The following CNGB3 variants were observed in gnomAD, a reference collection of about 807,000 sequenced individuals.
CNGB3 encodes cyclic nucleotide-gated channel beta-3.
A neutral mutation model predicts 92.8 loss-of-function variants in CNGB3; 86 were observed. The observed-to-expected ratio is 0.93, with a 90% CI of 0.78 to 1.11. The LOEUF is 1.11. Among genes scored for constraint, CNGB3 ranks in the 50% least tolerant of loss-of-function variants. CNGB3 has a pLI of 0.00. For missense variants in CNGB3, 1,026 were observed against 956.8 expected, an observed-to-expected ratio of 1.07 and a Z score of -0.95; for synonymous variants, 333 against 332.7, an observed-to-expected ratio of 1.00 and a Z score of -0.01.
chr8:86,575,052 A>C lies in CNGB3; in HGVS notation c.*752T>G, dbSNP rs547825341. The C allele has an allele frequency of 4.8e-4, 73 of 152,368 alleles. No individual in the cohort carries two copies. Among genetic ancestry groups the C allele is most frequent in the African/African-American group, 1.7e-3 (69 of 41,588 alleles). 9.4% of individuals were successfully genotyped at this position (152,368 alleles called of 1,614,324 possible). A position where few individuals can be genotyped will look rare whatever the true frequency, so the allele number is the denominator to read the frequency against. On this transcript the variant is annotated 3_prime_UTR_variant, in exon 18 of 18. Coordinates refer to ENST00000320005, the MANE Select transcript of CNGB3 (RefSeq NM_019098.5). ...TCCTCCAGTCCAAGTCCCTTGAGCCAGATGAGTTAGGTAGATTGGTGTCTT... is the reference window on the plus strand; with the variant it reads ...TCCTCCAGTCCAAGTCCCTTGAGCCCGATGAGTTAGGTAGATTGGTGTCTT...
At chr8:86,657,302 T>C (rs988154255) in intron 6 of CNGB3, 1 of 341,402 alleles carries the variant, frequency 2.9e-6, no homozygotes, top group Non-Finnish European at 5.8e-6. Context: ...ATGGGGTGAC[T>C]GGGAAGGGGT....
Position 86,647,810 on chromosome 8 carries a change from C to G in CNGB3, c.981G>C (p.Arg327Ser), listed in dbSNP as rs771140264. Residue 327 changes from arginine to serine, a missense_variant, in exon 8 of 18, where the codon AGG (arginine) becomes AGC (serine). By Grantham distance (110) the Arg-to-Ser change is moderately radical. Transcript: ENST00000320005. Reference sequence around the variant, plus strand: ...AATATAGTTATCTTACCTTTAACATCCTATTTGCTCTAAACATTGGATTAA... The same window carrying G: ...AATATAGTTATCTTACCTTTAACATGCTATTTGCTCTAAACATTGGATTAA... ...FGFNPMFRAN[R>S]MLKYTSFFEF... 23 of 1,507,308 alleles carry G rather than the reference C, an allele frequency of 1.5e-5. No individual in the cohort carries two copies. Among genetic ancestry groups the G allele is most frequent in the Non-Finnish European group, 2.1e-5 (23 of 1,083,836 alleles). 93.4% of individuals were successfully genotyped at this position (1,507,308 alleles called of 1,614,324 possible).
chr8:86,643,330 A>G (rs1489834892), intron 10 of CNGB3, among the ~76,000 whole-genome samples: 2 of 151,430 alleles, frequency 1.3e-5, no homozygotes, highest in East Asian at 1.9e-4. Flanking sequence ...AGTACAATAC[A>G]TGTTTTGAAA....
intron 3 of CNGB3, chr8:86,704,208 GA>G (rs1314703760): frequency 6.6e-6 from 1 of 152,222 alleles, no homozygotes. Flanking sequence ...TCATAAAGAA[GA>G]GACCATATAT....
At chr8:86,592,096 C>T (rs1376377131) in intron 15 of CNGB3, among the ~76,000 whole-genome samples, 14 of 152,194 alleles carry the variant, frequency 9.2e-5, no homozygotes, top group South Asian at 2.1e-4. Flanking sequence ...GGGAGTGACC[C>T]GATTTTCCAG....
chr8:86,646,498 A>G (rs1823294241), intron 8 of CNGB3, among the ~76,000 whole-genome samples: 1 of 151,132 alleles, frequency 6.6e-6, no homozygotes, highest in Non-Finnish European at 1.5e-5. Context: ...CCGCCATGCT[A>G]ATTCTCATTT....
intron 6 of CNGB3, chr8:86,658,915 C>T: frequency 1.0e-6 from 1 of 955,474 alleles, no homozygotes. Flanking sequence ...TGCTCTAGCT[C>T]CAGCAGCCTC....
intron 7 of CNGB3, among the ~76,000 whole-genome samples, chr8:86,650,856 C>A (rs763997654): frequency 6.6e-6 from 1 of 151,048 alleles, no homozygotes; most frequent in African/African-American, 2.4e-5. Flanking sequence ...AAAAGACACA[C>A]GCACATATAG....
intron 6 of CNGB3, chr8:86,660,475 T>C: frequency 1.9e-6 from 1 of 520,736 alleles, no homozygotes; most frequent in Non-Finnish European, 3.9e-6. Flanking sequence ...ATGAGAAAGA[T>C]GAAAGGGAAA....
chr8:86,739,349 T>C (rs910694024), intron 2 of CNGB3, among the ~76,000 whole-genome samples: 3 of 152,234 alleles, frequency 2.0e-5, no homozygotes, highest in Non-Finnish European at 2.9e-5. Context: ...ATCTATGATG[T>C]GTTTCTTTAG....
In CNGB3 at chr8:86,579,090, G is replaced by C; in HGVS notation, c.1928+16C>G. On this transcript the variant is annotated intron_variant, in intron 16 of 17. Transcript: ENST00000320005. The stretch of plus-strand genomic sequence containing the variant: ...ACCAACTCCATCCATCTCTAATGGT[G>C]TTTTAAAGGTTGTACCTGGCTTTCT... 1 of 1,614,090 alleles carries C rather than the reference G, an allele frequency of 6.2e-7. No homozygotes were observed. The highest frequency in any genetic ancestry group is 1.3e-5 in the African/African-American group (1 of 75,050).
chr8:86,669,125 G>A (rs748237856), intron 4 of CNGB3, among the ~76,000 whole-genome samples: 1 of 152,016 alleles, frequency 6.6e-6, no homozygotes, highest in Admixed American at 6.5e-5. Context: ...AAAGCTCATT[G>A]TAACTCCAAT....
intron 16 of CNGB3, 68 bp downstream of exon 16, chr8:86,579,038 T>A: frequency 6.3e-7 from 1 of 1,592,758 alleles, no homozygotes; most frequent in Non-Finnish European, 8.6e-7. Flanking sequence ...AATACGGTTC[T>A]CCCTATCTCA....
intron 3 of CNGB3, among the ~76,000 whole-genome samples, chr8:86,697,686 C>A (rs971591628): frequency 6.6e-6 from 1 of 152,166 alleles, no homozygotes; most frequent in Non-Finnish European, 1.5e-5. Flanking sequence ...TACATGTGCA[C>A]AACGTGCAGG....
chr8:86,600,937 C>T (rs1822286495), intron 15 of CNGB3, among the ~76,000 whole-genome samples: 1 of 151,850 alleles, frequency 6.6e-6, no homozygotes, highest in South Asian at 2.1e-4. Context: ...GCCTCTAGTT[C>T]TTACATTTTA....
chr8:86,697,157 A>G lies in CNGB3; in HGVS notation c.339-26059T>C, dbSNP rs150271858. On this transcript the variant is annotated intron_variant, in intron 3 of 17. Transcript: ENST00000320005. ...CATATTTTGGGTGGATAGTTGTTCA[A>G]TTGGTGTTCTTGTAGGAAGTAAGAT... Among the ~76,000 whole-genome samples, 1,000 of 152,254 alleles carry G rather than the reference A, an allele frequency of 6.6e-3. 26 individuals carry two copies. The highest frequency in any genetic ancestry group is 0.041 in the Admixed American group (628 of 15,296).
chr8:86,591,509 T>C (rs1420383851), intron 15 of CNGB3, among the ~76,000 whole-genome samples: 2 of 149,532 alleles, frequency 1.3e-5, no homozygotes, highest in Non-Finnish European at 3.0e-5. Context: ...GATGTACAGA[T>C]GGGTTTTTGG....
chr8:86,712,144 G>A (rs189699270), intron 3 of CNGB3, among the ~76,000 whole-genome samples: 9 of 152,022 alleles, frequency 5.9e-5, no homozygotes, highest in African/African-American at 1.9e-4. Flanking sequence ...TACCTTAATA[G>A]CAAAACAAAA....
In CNGB3 at chr8:86,647,837, C is replaced by T; in HGVS notation, c.954G>A (p.Gly318=). Residue 318 remains glycine, a synonymous_variant, in exon 8 of 18, where the codon GGG becomes GGA. Coordinates refer to ENST00000320005, the MANE Select transcript of CNGB3 (RefSeq NM_019098.5). ...TATTTGCTCTAAACATTGGATTAAA[C>T]CCAAAGAAGAGGTAGCAAATATCAA... ...IPFDICYLFF[G]FNPMFRANRM... The T allele has an allele frequency of 1.3e-6, 2 of 1,594,240 alleles. No individual in the cohort carries two copies. The highest frequency in any genetic ancestry group is 1.7e-6 in the Non-Finnish European group (2 of 1,162,910).
Sources: allele counts gnomAD v4.1 joint callset (sites outside exome capture counted in the v4.1 genomes callset), GRCh38; gene constraint gnomAD v4.1.1; transcripts MANE v1.5; gene names NCBI Gene and HGNC (gene_info 2026-07-23, HGNC 2026-07-21).